The following CTNNA3 variants were observed in gnomAD, a reference collection of about 807,000 sequenced individuals.
CTNNA3 encodes the protein catenin alpha 3, also known as catenin alpha-3.
CTNNA3 carries 76 observed loss-of-function variants against 95.7 expected under a neutral mutation model. That is an observed-to-expected ratio of 0.79 (90% CI 0.66 to 0.96). The LOEUF is 0.96. Among genes scored for constraint, CTNNA3 ranks in the 40% least tolerant of loss-of-function variants. The probability of loss-of-function intolerance (pLI) is 0.00; values close to 1 mark genes in which losing one functional copy is unlikely to be tolerated. For synonymous variants in CTNNA3, 431 were observed against 374.4 expected (o/e 1.15, Z -1.74); for missense variants, 1,191 against 1,089.8 (o/e 1.09, Z -1.31).
intron 4 of CTNNA3, among the ~76,000 whole-genome samples, chr10:67,526,711 C>G (rs1156738899): frequency 1.3e-5 from 2 of 152,190 alleles, no homozygotes; most frequent in African/African-American, 4.8e-5. Context: ...AGAAACAACT[C>G]TTACCCTAAC....
intron 10 of CTNNA3, among the ~76,000 whole-genome samples, chr10:66,563,146 AATTATATTAAATAATG>A (rs1842603976): frequency 6.6e-6 from 1 of 152,126 alleles, no homozygotes; most frequent in Non-Finnish European, 1.5e-5. Context: ...CAAAGTTAAT[AATTATATTAAATAATG>A]CAGTATAGAA....
intron 14 of CTNNA3, among the ~76,000 whole-genome samples, chr10:66,090,671 G>A (rs2081180224): frequency 1.3e-5 from 2 of 151,896 alleles, no homozygotes; most frequent in African/African-American, 4.8e-5. Context: ...CATGTTTGGA[G>A]GCTGACTTTT....
At chr10:66,798,520 T>G (rs1244560302) in intron 7 of CTNNA3, among the ~76,000 whole-genome samples, 3 of 151,716 alleles carry the variant, frequency 2.0e-5, no homozygotes, top group South Asian at 2.1e-4. Flanking sequence ...AATGCCACTA[T>G]TTTAGTTAGG....
In CTNNA3 at chr10:66,559,096, CAT is replaced by C. The variant is rs151254861; in HGVS notation, c.1375-38325_1375-38324del. Among the ~76,000 whole-genome samples, 433 of 152,122 alleles carry C rather than the reference CAT, an allele frequency of 2.8e-3. 2 individuals are homozygous for C. The highest frequency in any genetic ancestry group is 9.6e-3 in the African/African-American group (400 of 41,544). ...TCTTATATCCAACCCAAATATCTCT[CAT>C]ATCTATGTTCATTTTTCCTTTGCAC... On this transcript the variant is annotated intron_variant, in intron 10 of 17. Coordinates refer to ENST00000433211, the MANE Select transcript of CTNNA3 (RefSeq NM_013266.4).
chr10:67,733,430 T>C (rs1841286988), intron 1 of CTNNA3, among the ~76,000 whole-genome samples: 1 of 152,132 alleles, frequency 6.6e-6, no homozygotes, highest in Non-Finnish European at 1.5e-5. Context: ...CATCCGTAGA[T>C]CATACCCATC....
At chr10:67,083,679 C>T (rs1857161188) in intron 7 of CTNNA3, among the ~76,000 whole-genome samples, 1 of 152,076 alleles carries the variant, frequency 6.6e-6, no homozygotes, top group Non-Finnish European at 1.5e-5. Context: ...TTTCCCTCTA[C>T]CCTATCAATA....
At chr10:65,953,818 C>T (rs10996791) in intron 17 of CTNNA3, among the ~76,000 whole-genome samples, 2 of 152,120 alleles carry the variant, frequency 1.3e-5, no homozygotes, top group African/African-American at 2.4e-5. Context: ...CAAGTCTTTG[C>T]TATTGTGAAT....
At chr10:66,310,163 T>C (rs1589066187) in intron 12 of CTNNA3, among the ~76,000 whole-genome samples, 3 of 151,806 alleles carry the variant, frequency 2.0e-5, no homozygotes, top group Admixed American at 2.0e-4. Context: ...CTCAATGGCC[T>C]TTTTTAGAAT....
chr10:67,442,195 G>A (rs973665650), intron 5 of CTNNA3, among the ~76,000 whole-genome samples: 3 of 151,526 alleles, frequency 2.0e-5, no homozygotes, highest in African/African-American at 4.8e-5. Context: ...AAACTTCATG[G>A]TAACCTCAAA....
intron 7 of CTNNA3, among the ~76,000 whole-genome samples, chr10:66,952,195 G>T (rs1249041137): frequency 1.3e-5 from 2 of 152,166 alleles, no homozygotes; most frequent in African/African-American, 4.8e-5. Context: ...CCACACAGTG[G>T]CAAAAGTCTT....
intron 12 of CTNNA3, among the ~76,000 whole-genome samples, chr10:66,363,528 C>A (rs1329362055): frequency 6.6e-6 from 1 of 152,158 alleles, no homozygotes; most frequent in Non-Finnish European, 1.5e-5. Context: ...CTTTCAGCCT[C>A]CAGAGACTGT....
At chr10:65,994,249 T>G (rs1234131823) in intron 15 of CTNNA3, among the ~76,000 whole-genome samples, 2 of 152,232 alleles carry the variant, frequency 1.3e-5, no homozygotes, top group Non-Finnish European at 2.9e-5. Flanking sequence ...TATACTTTCC[T>G]GTGTTTTCAT....
chr10:66,341,345 A>G (rs981512853), intron 12 of CTNNA3, among the ~76,000 whole-genome samples: 1 of 151,962 alleles, frequency 6.6e-6, no homozygotes, highest in Non-Finnish European at 1.5e-5. Flanking sequence ...TAAAGGACTT[A>G]AATAAATTCA....
intron 9 of CTNNA3, among the ~76,000 whole-genome samples, chr10:66,701,182 T>C (rs1847930563): frequency 1.3e-5 from 2 of 152,188 alleles, no homozygotes; most frequent in Admixed American, 1.3e-4. Flanking sequence ...TACATCCATG[T>C]AGATCTTTAT....
At chr10:67,252,491 A>G (rs1176320054) in intron 5 of CTNNA3, among the ~76,000 whole-genome samples, 6 of 152,204 alleles carry the variant, frequency 3.9e-5, no homozygotes, top group African/African-American at 1.4e-4. Context: ...CTAATAACAA[A>G]ATAGAACAAG....
chr10:65,974,320 G>A (rs942140813), intron 16 of CTNNA3, among the ~76,000 whole-genome samples: 1 of 152,096 alleles, frequency 6.6e-6, no homozygotes, highest in Non-Finnish European at 1.5e-5. Flanking sequence ...TATTCACAAA[G>A]CAAGGACACG....
intron 11 of CTNNA3, among the ~76,000 whole-genome samples, chr10:66,470,923 A>G (rs1012999274): frequency 3.3e-5 from 5 of 151,970 alleles, no homozygotes; most frequent in Admixed American, 2.6e-4. Context: ...ACTGGAAGAA[A>G]AAAGTGAGAG....
At chr10:66,832,351 G>A (rs1842749870) in intron 7 of CTNNA3, among the ~76,000 whole-genome samples, 1 of 152,120 alleles carries the variant, frequency 6.6e-6, no homozygotes, top group Non-Finnish European at 1.5e-5. Context: ...CAATTTATCT[G>A]TCTTAGAAGG....
At chr10:66,189,242 C>T (rs1432382022) in intron 13 of CTNNA3, among the ~76,000 whole-genome samples, 2 of 147,108 alleles carry the variant, frequency 1.4e-5, no homozygotes, top group Non-Finnish European at 3.0e-5. Context: ...CACTTGTTTG[C>T]TTCTCTTGCC....
Sources: gnomAD v4.1 joint callset for allele counts (sites outside exome capture counted in the v4.1 genomes callset) on GRCh38, gnomAD v4.1.1 for gene constraint, MANE v1.5 for transcripts, NCBI Gene and HGNC (gene_info 2026-07-23, HGNC 2026-07-21) for gene names.